The following ZCCHC7 variants were observed in gnomAD, a reference collection of about 807,000 sequenced individuals.
The protein encoded by ZCCHC7 is zinc finger CCHC domain-containing protein 7.
Under a neutral mutation model 52.0 loss-of-function variants are expected in ZCCHC7, and 35 were observed. The ratio of observed to expected loss-of-function variants is 0.67; its 90% CI spans 0.51 to 0.89. The LOEUF is 0.89. Ranked by LOEUF, ZCCHC7 falls within the 40% of genes least tolerant of loss-of-function variation. The pLI is 0.00. For missense variants in ZCCHC7, 574 were observed against 649.1 expected (o/e 0.88, Z 1.26); for synonymous variants, 217 against 221.5 (o/e 0.98, Z 0.18).
chr9:37,242,266 T>C (rs1049652367), intron 2 of ZCCHC7, among the ~76,000 whole-genome samples: 1 of 151,864 alleles, frequency 6.6e-6, no homozygotes, highest in Non-Finnish European at 1.5e-5. Flanking sequence ...TGTCAGATTC[T>C]TTATTGCTTG....
chr9:37,285,321 G>T (rs1828156074), intron 2 of ZCCHC7, among the ~76,000 whole-genome samples: 1 of 151,984 alleles, frequency 6.6e-6, no homozygotes, highest in African/African-American at 2.4e-5. Flanking sequence ...GAAGAACCTA[G>T]GTTTTTATTC....
At chr9:37,296,143 A>T (rs994078362) in intron 2 of ZCCHC7, among the ~76,000 whole-genome samples, 1 of 152,236 alleles carries the variant, frequency 6.6e-6, no homozygotes, top group Non-Finnish European at 1.5e-5. Context: ...AAGATATTCA[A>T]AGTTTGCAAT....
intron 2 of ZCCHC7, among the ~76,000 whole-genome samples, chr9:37,204,932 A>G (rs957754395): frequency 1.1e-4 from 16 of 152,174 alleles, no homozygotes; most frequent in African/African-American, 2.4e-4. Context: ...CATGTCTGCT[A>G]TGGTTTGAAT....
At chr9:37,294,803 C>T (rs1204579239) in intron 2 of ZCCHC7, among the ~76,000 whole-genome samples, 1 of 152,086 alleles carries the variant, frequency 6.6e-6, no homozygotes, top group Non-Finnish European at 1.5e-5. Flanking sequence ...GATATGGTCT[C>T]AGTCCATAGA....
At chr9:37,228,170 A>G (rs913424196) in intron 2 of ZCCHC7, among the ~76,000 whole-genome samples, 10 of 152,174 alleles carry the variant, frequency 6.6e-5, no homozygotes, top group Non-Finnish European at 1.2e-4. Flanking sequence ...TCCTATGACT[A>G]TTCTATAAAC....
At chr9:37,333,197 GCAATGAGAAGTATGCAGCCTTCACT>G (rs1830517732) in intron 6 of ZCCHC7, among the ~76,000 whole-genome samples, 1 of 151,612 alleles carries the variant, frequency 6.6e-6, no homozygotes, top group South Asian at 2.1e-4. Context: ...AGATAATGAA[GCAATGAGAAGTATGCAGCCTTCACT>G]CAATTTAGGA....
intron 2 of ZCCHC7, among the ~76,000 whole-genome samples, chr9:37,196,978 A>T (rs1210053255): frequency 6.6e-6 from 1 of 152,208 alleles, no homozygotes; most frequent in Non-Finnish European, 1.5e-5. Flanking sequence ...ATTATTAAAA[A>T]TTCTGTTATA....
intron 2 of ZCCHC7, among the ~76,000 whole-genome samples, chr9:37,248,751 T>A (rs1826188285): frequency 1.3e-5 from 2 of 152,214 alleles, no homozygotes; most frequent in South Asian, 4.1e-4. Flanking sequence ...ATGATAGCCA[T>A]ATACTGAATA....
rs117611069 is a variant in ZCCHC7, at chr9:37,150,921, G to T, written c.610+23979G>T. Among the ~76,000 whole-genome samples the T allele has an allele frequency of 4.1e-4, 62 of 151,456 alleles. No individual in the cohort carries two copies. The East Asian group carries it at 0.011, about 28-fold the overall frequency. Reference sequence around the variant, plus strand: ...GTTTTCTGTGAATCTCTGTAGCATTGGAATTTATAGAGATATAACTTTTCT... The same window carrying T: ...GTTTTCTGTGAATCTCTGTAGCATTTGAATTTATAGAGATATAACTTTTCT... On this transcript the variant is annotated intron_variant, in intron 2 of 8. Transcript: ENST00000336755.
chr9:37,270,890 G>T (rs1827378479), intron 2 of ZCCHC7, among the ~76,000 whole-genome samples: 1 of 151,290 alleles, frequency 6.6e-6, no homozygotes, highest in Non-Finnish European at 1.5e-5. Context: ...GACTCTTTCT[G>T]TATAACTCAA....
intron 2 of ZCCHC7, among the ~76,000 whole-genome samples, chr9:37,185,209 C>T (rs747161595): frequency 1.3e-5 from 2 of 152,050 alleles, no homozygotes; most frequent in East Asian, 1.9e-4. Flanking sequence ...TTTTAAAGTC[C>T]GCAAAAGATC....
In ZCCHC7 at chr9:37,187,243, A is replaced by G. The variant is rs548479239; in HGVS notation, c.610+60301A>G. Among the ~76,000 whole-genome samples the G allele has an allele frequency of 1.0e-3, 159 of 152,360 alleles. 1 individual carries two copies. The highest frequency in any genetic ancestry group is 1.3e-3 in the Non-Finnish European group (89 of 68,022). On this transcript the variant is annotated intron_variant, in intron 2 of 8. Transcript: ENST00000336755. The stretch of plus-strand genomic sequence containing the variant: ...CCAAACCTTTTTGACACCAAGGACC[A>G]GTTTCATGGAAGAAAATTTTTCCAT...
chr9:37,163,322 A>G (rs1165746089), intron 2 of ZCCHC7, among the ~76,000 whole-genome samples: 3 of 142,358 alleles, frequency 2.1e-5, no homozygotes, highest in African/African-American at 7.9e-5. Context: ...TAGGAGGCGG[A>G]GGTTGCAGTG....
chr9:37,293,323 G>C (rs1430100761), intron 2 of ZCCHC7, among the ~76,000 whole-genome samples: 3 of 151,956 alleles, frequency 2.0e-5, no homozygotes, highest in Admixed American at 6.5e-5. Flanking sequence ...AGACACTGGA[G>C]AAAAAAAGGA....
At chr9:37,253,905 A>G (rs1826450036) in intron 2 of ZCCHC7, among the ~76,000 whole-genome samples, 1 of 151,986 alleles carries the variant, frequency 6.6e-6, no homozygotes. Flanking sequence ...TTATATATGC[A>G]CTTATAATTT....
chr9:37,288,308 CT>C (rs1828358365), intron 2 of ZCCHC7, among the ~76,000 whole-genome samples: 1 of 147,764 alleles, frequency 6.8e-6, no homozygotes, highest in South Asian at 2.1e-4. Context: ...ATCTATCTAT[CT>C]ATATAGATAG....
At chr9:37,331,500 G>C (rs1350431155) in intron 6 of ZCCHC7, among the ~76,000 whole-genome samples, 1 of 151,514 alleles carries the variant, frequency 6.6e-6, no homozygotes, top group Non-Finnish European at 1.5e-5. Flanking sequence ...AATGTCAACA[G>C]ATTTGGATTT....
intron 2 of ZCCHC7, among the ~76,000 whole-genome samples, chr9:37,179,160 T>G (rs1214631237): frequency 6.6e-6 from 1 of 152,158 alleles, no homozygotes; most frequent in Admixed American, 6.5e-5. Flanking sequence ...TGAGAGGTGG[T>G]GTGTGTTTTT....
At chr9:37,219,080 G>A (rs967862196) in intron 2 of ZCCHC7, among the ~76,000 whole-genome samples, 3 of 151,380 alleles carry the variant, frequency 2.0e-5, no homozygotes, top group African/African-American at 7.3e-5. Flanking sequence ...AAAGAAAAAA[G>A]ATTGGGATTC....
Sources: allele counts gnomAD v4.1 joint callset (sites outside exome capture counted in the v4.1 genomes callset), GRCh38; gene constraint gnomAD v4.1.1; transcripts MANE v1.5; gene names NCBI Gene and HGNC (gene_info 2026-07-23, HGNC 2026-07-21).